The following CNTN5 variants were observed in gnomAD, a reference collection of about 807,000 sequenced individuals.
CNTN5 encodes contactin-5.
A neutral mutation model predicts 129.1 loss-of-function variants in CNTN5; 77 were observed. The ratio of observed to expected loss-of-function variants is 0.60; its 90% CI spans 0.50 to 0.72. The LOEUF is 0.72. Ranked by LOEUF, CNTN5 falls within the 30% of genes least tolerant of loss-of-function variation. The probability of loss-of-function intolerance (pLI) is 0.00; values close to 1 mark genes in which losing one functional copy is unlikely to be tolerated. For missense variants in CNTN5, 1,478 were observed against 1,328.8 expected (o/e 1.11, Z -1.75); for synonymous variants, 509 against 465.6 (o/e 1.09, Z -1.20).
intron 1 of CNTN5, among the ~76,000 whole-genome samples, chr11:99,310,521 C>G (rs997953083): frequency 6.6e-6 from 1 of 151,876 alleles, no homozygotes; most frequent in Non-Finnish European, 1.5e-5. Flanking sequence ...CCTTCTTTAC[C>G]CTTTTATTTG....
intron 1 of CNTN5, among the ~76,000 whole-genome samples, chr11:99,180,954 CAG>C (rs1374501128): frequency 6.6e-6 from 1 of 152,218 alleles, no homozygotes; most frequent in African/African-American, 2.4e-5. Flanking sequence ...TGCAACATAA[CAG>C]TACGCAGCTG....
At chr11:99,143,287 T>A (rs1412328812) in intron 1 of CNTN5, among the ~76,000 whole-genome samples, 1 of 146,416 alleles carries the variant, frequency 6.8e-6, no homozygotes, top group African/African-American at 2.5e-5. Flanking sequence ...ATAAATATAT[T>A]TTAAAATATA....
intron 9 of CNTN5, among the ~76,000 whole-genome samples, chr11:100,059,609 AGGGTTCAGG>A (rs1488504758): frequency 2.6e-5 from 4 of 152,146 alleles, no homozygotes; most frequent in Non-Finnish European, 5.9e-5. Context: ...CAACCTCCTT[AGGGTTCAGG>A]AAAATATTAA....
At chr11:99,831,354 G>A (rs190760779) in intron 4 of CNTN5, among the ~76,000 whole-genome samples, 120 of 152,224 alleles carry the variant, frequency 7.9e-4, no homozygotes, top group African/African-American at 2.8e-3. Flanking sequence ...GTTGGCAAAA[G>A]GTCAGATGAA....
At chr11:99,735,614 G>C (rs953307345) in intron 3 of CNTN5, among the ~76,000 whole-genome samples, 1 of 152,154 alleles carries the variant, frequency 6.6e-6, no homozygotes, top group African/African-American at 2.4e-5. Context: ...CAAATTTCTG[G>C]ATAAACGGGA....
chr11:99,627,574 T>C (rs147258942), intron 3 of CNTN5, among the ~76,000 whole-genome samples: 1 of 152,106 alleles, frequency 6.6e-6, no homozygotes, highest in Non-Finnish European at 1.5e-5. Flanking sequence ...GTGGGGAATT[T>C]AGAAGAAATA....
intron 9 of CNTN5, among the ~76,000 whole-genome samples, chr11:100,006,210 C>T (rs1565781429): frequency 6.6e-6 from 1 of 152,124 alleles, no homozygotes; most frequent in Non-Finnish European, 1.5e-5. Context: ...TATAAGTCTT[C>T]AGCAAATTAT....
intron 9 of CNTN5, among the ~76,000 whole-genome samples, chr11:100,030,321 A>G (rs1044159250): frequency 2.0e-5 from 3 of 152,198 alleles, no homozygotes; most frequent in African/African-American, 7.2e-5. Flanking sequence ...TTGAGGCTGC[A>G]GTGAGCTATT....
intron 6 of CNTN5, among the ~76,000 whole-genome samples, chr11:99,857,566 A>G (rs751770800): frequency 6.6e-6 from 1 of 152,166 alleles, no homozygotes; most frequent in Admixed American, 6.5e-5. Context: ...ATTAATAACT[A>G]TGTTGAATAG....
intron 15 of CNTN5, among the ~76,000 whole-genome samples, chr11:100,194,159 AT>A (rs1256657988): frequency 1.3e-5 from 2 of 151,874 alleles, no homozygotes; most frequent in African/African-American, 4.8e-5. Flanking sequence ...CATTTCTGCC[AT>A]TTTTTTCTTA....
chr11:99,432,495 C>CTTTTCTTTTCTTTTCTTTTCTTTTT (rs539746806), intron 2 of CNTN5, among the ~76,000 whole-genome samples: 1 of 78,042 alleles, frequency 1.3e-5, no homozygotes, highest in Non-Finnish European at 2.7e-5. Context: ...CTTTTCTTTT[C>CTTTTCTTTTCTTTTCTTTTCTTTTT]TTTCTTTTCT....
intron 18 of CNTN5, among the ~76,000 whole-genome samples, chr11:100,295,581 T>C (rs569362221): frequency 6.6e-6 from 1 of 151,686 alleles, no homozygotes; most frequent in African/African-American, 2.4e-5. Context: ...ATAGTTACTT[T>C]GTTTTATTCT....
At chr11:99,544,394 T>TCATGTAAA (rs61054860) in intron 2 of CNTN5, among the ~76,000 whole-genome samples, 60,524 of 151,726 alleles carry the variant, frequency 0.4, 12,304 homozygotes, top group African/African-American at 0.44. Flanking sequence ...ACATTTAAAC[T>TCATGTAAA]CATGTAAATT....
intron 3 of CNTN5, among the ~76,000 whole-genome samples, chr11:99,651,104 T>C (rs531813871): frequency 2.4e-4 from 37 of 152,088 alleles, no homozygotes; most frequent in Non-Finnish European, 5.2e-4. Flanking sequence ...CTCTGTCCTT[T>C]TTAGAAAAGG....
chr11:99,433,498 A>G (rs949654958), intron 2 of CNTN5, among the ~76,000 whole-genome samples: 10 of 151,888 alleles, frequency 6.6e-5, no homozygotes, highest in Non-Finnish European at 1.5e-4. Context: ...ATTTGTTCAC[A>G]TTTCTAGTAA....
chr11:99,849,166 T>G (rs1422280453), intron 6 of CNTN5, among the ~76,000 whole-genome samples: 1 of 151,726 alleles, frequency 6.6e-6, no homozygotes, highest in African/African-American at 2.4e-5. Context: ...TAATATCAAA[T>G]TATCCATATA....
At chr11:99,399,629 G>C (rs1231340889) in intron 2 of CNTN5, among the ~76,000 whole-genome samples, 1 of 151,306 alleles carries the variant, frequency 6.6e-6, no homozygotes, top group Non-Finnish European at 1.5e-5. Context: ...TTAAGTGTTG[G>C]TGGAACAGTG....
At chr11:100,265,228 A>C (rs919510693) in intron 17 of CNTN5, among the ~76,000 whole-genome samples, 2 of 152,128 alleles carry the variant, frequency 1.3e-5, no homozygotes, top group Non-Finnish European at 1.5e-5. Context: ...TGCTAGGGCT[A>C]TCACTAGATG....
At chr11:99,334,631 A>G (rs1259841437) in intron 2 of CNTN5, among the ~76,000 whole-genome samples, 1 of 152,132 alleles carries the variant, frequency 6.6e-6, no homozygotes, top group African/African-American at 2.4e-5. Context: ...AAAGATAGCT[A>G]CTAGCCACAT....
Sources: allele counts gnomAD v4.1 joint callset (sites outside exome capture counted in the v4.1 genomes callset), GRCh38; gene constraint gnomAD v4.1.1; transcripts MANE v1.5; gene names NCBI Gene and HGNC (gene_info 2026-07-23, HGNC 2026-07-21).